Variants in PRKCI observed in about 807,000 individuals in gnomAD.
The protein encoded by PRKCI is protein kinase C iota type.
PRKCI carries 43 observed loss-of-function variants against 84.0 expected under a neutral mutation model. The ratio of observed to expected loss-of-function variants is 0.51; its 90% CI spans 0.40 to 0.66. The LOEUF (loss-of-function observed/expected upper bound fraction) is 0.66. PRKCI is among the 30% of genes least tolerant of loss of function. PRKCI has a pLI of 0.00. For missense variants in PRKCI, 459 were observed against 745.6 expected, an observed-to-expected ratio of 0.62 and a Z score of 4.48; for synonymous variants, 216 against 234.4, an observed-to-expected ratio of 0.92 and a Z score of 0.72.
intron 3 of PRKCI, among the ~76,000 whole-genome samples, chr3:170,260,548 G>A (rs1241480934): frequency 6.6e-6 from 1 of 151,908 alleles, no homozygotes; most frequent in African/African-American, 2.4e-5. Context: ...TGCAACCTCT[G>A]CCTCCTGGGT....
At chr3:170,297,216 A>C (rs1025397864) in intron 15 of PRKCI, 88 bp from the exon 16 acceptor site, 1 of 1,018,514 alleles carries the variant, frequency 9.8e-7, no homozygotes, top group Non-Finnish European at 1.5e-6. Context: ...TAAGAGTATC[A>C]TGTGAGGGCA....
At position 170,270,561 on chromosome 3, in the gene PRKCI, G is replaced by A. The variant is rs766551522; in HGVS notation, c.591G>A (p.Gln197=). 1.3e-6 allele frequency: 2 copies of A among 1,588,004 alleles called. No homozygotes were observed. The highest frequency in any genetic ancestry group is 1.7e-6 in the Non-Finnish European group (2 of 1,171,326). ...TIECGRHSLP[Q]EPVMPMDQSS... ...AATGTGGGCGGCATTCTTTGCCACA[G>A]GTAAGATGTCTGTCCTTTTTTTTTT... Residue 197 remains glutamine, a splice_region_variant and synonymous_variant, in exon 6 of 18, where the codon CAG becomes CAA. Transcript: ENST00000295797.
At chr3:170,277,629 G>A (rs1462910786) in intron 8 of PRKCI, among the ~76,000 whole-genome samples, 1 of 151,494 alleles carries the variant, frequency 6.6e-6, no homozygotes, top group Admixed American at 6.6e-5. Flanking sequence ...AGGAGGCGGA[G>A]CTTGCAGTGA....
chr3:170,236,471 TGAATA>T (rs567563145), intron 2 of PRKCI, among the ~76,000 whole-genome samples: 120 of 152,362 alleles, frequency 7.9e-4, no homozygotes, highest in African/African-American at 2.8e-3. Context: ...ATTTTTAAGC[TGAATA>T]TTACCTTAAA....
rs966236442 is a variant in PRKCI at position 170,222,518 on chromosome 3, C to A, written c.-152C>A. The A allele has an allele frequency of 6.4e-6, 4 of 620,928 alleles. No individual in the cohort carries two copies. 38.5% of individuals were successfully genotyped at this position (620,928 alleles called of 1,614,324 possible). A position where few individuals can be genotyped will look rare whatever the true frequency, so the allele number is the denominator to read the frequency against. On this transcript the variant is annotated 5_prime_UTR_variant, in exon 1 of 18. Transcript: ENST00000295797. ...CGCGGTTCCGGCTGCTCCGGCGAGG[C>A]GACCCTTGGGTCGGCGCTGCGGGCG... is the stretch of plus-strand genomic sequence containing the variant.
In PRKCI at chr3:170,235,246, C is replaced by T. The variant is rs766148364; in HGVS notation, c.118C>T (p.His40Tyr). The part of the protein sequence containing the change: ...AYYRGDIMIT[H>Y]FEPSISFEGL... The stretch of plus-strand genomic sequence containing the variant: ...CTTTTTCAGGGATATCATGATAACA[C>T]ATTTTGAACCTTCCATCTCCTTTGA... Residue 40 changes from histidine to tyrosine, a missense_variant, in exon 2 of 18, where the codon CAT becomes TAT. Transcript: ENST00000295797. 1 of 1,613,654 alleles carries T rather than the reference C, an allele frequency of 6.2e-7. No homozygotes were observed.
intron 4 of PRKCI, among the ~76,000 whole-genome samples, chr3:170,266,133 A>G (rs1733851716): frequency 6.6e-6 from 1 of 152,202 alleles, no homozygotes; most frequent in African/African-American, 2.4e-5. Context: ...TAGACAATAT[A>G]TAAAATAATG....
At chr3:170,286,067 G>A (rs931093509) in intron 12 of PRKCI, among the ~76,000 whole-genome samples, 8 of 151,922 alleles carry the variant, frequency 5.3e-5, no homozygotes, top group Non-Finnish European at 1.2e-4. Flanking sequence ...TGGGATTACA[G>A]GCACCTGCCA....
At chr3:170,279,395 A>G (rs1222028491) in intron 8 of PRKCI, among the ~76,000 whole-genome samples, 1 of 151,966 alleles carries the variant, frequency 6.6e-6, no homozygotes, top group Non-Finnish European at 1.5e-5. Flanking sequence ...CCCTTCTTTC[A>G]GTTTTGTGCT....
chr3:170,225,988 T>C (rs1732618544), intron 1 of PRKCI, among the ~76,000 whole-genome samples: 1 of 151,938 alleles, frequency 6.6e-6, no homozygotes, highest in Non-Finnish European at 1.5e-5. Context: ...TCTCGGCTCA[T>C]TGCAACCTCC....
intron 17 of PRKCI, 62 bp downstream of exon 17, chr3:170,299,172 C>T (rs965784013): frequency 2.3e-6 from 2 of 879,790 alleles, no homozygotes; most frequent in African/African-American, 3.5e-5. Context: ...TTTTTAGTGA[C>T]TATGCAATGT....
intron 4 of PRKCI, 44 bp downstream of exon 4, chr3:170,263,473 C>G: frequency 6.8e-7 from 1 of 1,475,156 alleles, no homozygotes; most frequent in Non-Finnish European, 9.4e-7. Context: ...AGTTACTATG[C>G]TATGGTACAA....
At chr3:170,251,777 G>A (rs547006298) in intron 2 of PRKCI, among the ~76,000 whole-genome samples, 1 of 152,166 alleles carries the variant, frequency 6.6e-6, no homozygotes, top group East Asian at 1.9e-4. Context: ...GGGCATGGTG[G>A]TGGGCGCCTG....
rs183834477 is a variant in PRKCI, at chr3:170,298,029, C to T, written c.1587+636C>T. 6.6e-5 allele frequency among the ~76,000 whole-genome samples: 10 copies of T among 151,630 alleles called. No homozygotes were observed. In the East Asian group the frequency reaches 1.8e-3, roughly 27 times the overall value. On this transcript the variant is annotated intron_variant, in intron 16 of 17. Transcript: ENST00000295797. ...CTGGGATTACAGGCACACGCCACCA[C>T]GCCCAGCTAATTTTTGTATTTTTAG... is the stretch of plus-strand genomic sequence containing the variant.
At chr3:170,299,738 G>A (rs1207216229) in intron 17 of PRKCI, among the ~76,000 whole-genome samples, 1 of 152,196 alleles carries the variant, frequency 6.6e-6, no homozygotes, top group Non-Finnish European at 1.5e-5. Context: ...GCTATCAGGT[G>A]GCAGAGTCAG....
rs775805215 is a variant in PRKCI at position 170,235,322 on chromosome 3, T to G, written c.194T>G (p.Leu65Arg). Residue 65 changes from leucine (L) to arginine (R), a missense_variant, in exon 2 of 18, where the codon CTC becomes CGC. Physicochemically the swap from Leu to Arg is moderately radical, Grantham distance 102 (BLOSUM62 -2). Coordinates refer to ENST00000295797, the MANE Select transcript of PRKCI (RefSeq NM_002740.6). Reference sequence around the variant, plus strand: ...ATGTGTTCTTTTGACAACGAACAGCTCTTCACCATGAAATGGATAGATGAG... The same window carrying G: ...ATGTGTTCTTTTGACAACGAACAGCGCTTCACCATGAAATGGATAGATGAG... ...RDMCSFDNEQ[L>R]FTMKWIDEEG... 22 of 1,614,090 alleles carry G rather than the reference T, an allele frequency of 1.4e-5. No individual in the cohort carries two copies. In the Admixed American group the frequency reaches 3.7e-4, roughly 27 times the overall value.
At chr3:170,294,014 ATTCT>A (rs1734635051) in intron 14 of PRKCI, among the ~76,000 whole-genome samples, 1 of 152,124 alleles carries the variant, frequency 6.6e-6, no homozygotes, top group African/African-American at 2.4e-5. Context: ...TTTTTAATAC[ATTCT>A]TTCTTTTCTA....
rs767657827 is a variant in PRKCI at position 170,281,313 on chromosome 3, A to T, written c.980+50A>T. ...ATTACTGGGCTTCATATTTTTGGTC[A>T]TATTACACAGTTAGAACCTTTCTGC... On this transcript the variant is annotated intron_variant, in intron 10 of 17. Transcript: ENST00000295797. The T allele has an allele frequency of 2.0e-5, 30 of 1,479,144 alleles. 1 individual carries two copies. Among genetic ancestry groups the T allele is most frequent in the Non-Finnish European group, 2.7e-5 (29 of 1,059,208 alleles). The allele number at this position is 1,479,144 out of a possible 1,614,324, so 91.6% of individuals were successfully genotyped here. A position where few individuals can be genotyped will look rare whatever the true frequency, so the allele number is the denominator to read the frequency against.
chr3:170,244,920 G>C (rs750090795), intron 2 of PRKCI: 12 of 152,236 alleles, frequency 7.9e-5, no homozygotes, highest in Non-Finnish European at 1.5e-4. Flanking sequence ...TAGGAGAAGG[G>C]AGAAGAGGAA....
Sources: allele counts gnomAD v4.1 joint callset (sites outside exome capture counted in the v4.1 genomes callset), GRCh38; gene constraint gnomAD v4.1.1; transcripts MANE v1.5; gene names NCBI Gene and HGNC (gene_info 2026-07-23, HGNC 2026-07-21).